KHK: variants seen among roughly 807,000 people sequenced by gnomAD.
KHK encodes the protein ketohexokinase, also known as fructokinase.
KHK carries 37 observed loss-of-function variants against 36.0 expected under a neutral mutation model. The ratio of observed to expected loss-of-function variants is 1.03; its 90% confidence interval spans 0.79 to 1.35. The LOEUF is 1.35. Ranked by LOEUF, KHK falls within the 40% of genes most tolerant of loss-of-function variation. The pLI, the probability that KHK is intolerant of heterozygous loss-of-function variation, is 0.00. For missense variants in KHK, 395 were observed against 391.9 expected, an observed-to-expected ratio of 1.01 and a Z score of -0.07; for synonymous variants, 161 against 162.8, an observed-to-expected ratio of 0.99 and a Z score of 0.08.
At chr2:27,094,456 C>T (rs374146345) in intron 2 of KHK, 80 of 1,612,236 alleles carry the variant, frequency 5.0e-5, no homozygotes, top group Admixed American at 1.0e-4. Context: ...GCACCCCCTT[C>T]GGGTTACTCC....
intron 2 of KHK, among the ~76,000 whole-genome samples, chr2:27,093,807 T>C (rs1009988289): frequency 6.6e-6 from 1 of 152,186 alleles, no homozygotes; most frequent in African/African-American, 2.4e-5. Flanking sequence ...ATGGAGGGCA[T>C]TCCAGGAGAG....
chr2:27,087,556 C>T (rs1466953172), intron 1 of KHK, among the ~76,000 whole-genome samples: 2 of 152,214 alleles, frequency 1.3e-5, no homozygotes, highest in African/African-American at 4.8e-5. Context: ...TAAGAAGACC[C>T]AGGATTTAAT....
At chr2:27,093,432 G>A (rs891615659) in intron 2 of KHK, among the ~76,000 whole-genome samples, 2 of 152,156 alleles carry the variant, frequency 1.3e-5, no homozygotes, top group African/African-American at 4.8e-5. Context: ...CAGGCCAATG[G>A]GTGGTTTATT....
intron 6 of KHK, 45 bp from the exon 7 acceptor site, chr2:27,099,375 G>A: frequency 1.2e-6 from 2 of 1,612,256 alleles, no homozygotes; most frequent in South Asian, 1.1e-5. Context: ...GATGGCTGGG[G>A]GGACGGGGTG....
Position 27,097,464 on chromosome 2 carries a change from C to T in KHK, c.418-39C>T, listed in dbSNP as rs376888933. 4 of 1,611,278 alleles carry T rather than the reference C, an allele frequency of 2.5e-6. No individual in the cohort carries two copies. In the African/African-American group the frequency reaches 4.0e-5, roughly 16 times the overall value. ...GGAAGAATGAGGCAGATTGGCCAGG[C>T]AGTGCCCAGCGGTCCTGAGCTGCCC... On this transcript the variant is annotated intron_variant, in intron 4 of 7. Transcript: ENST00000260598.
chr2:27,092,565 C>T (rs369087755), intron 2 of KHK, 117 bp downstream of exon 2: 27 of 778,706 alleles, frequency 3.5e-5, no homozygotes, highest in East Asian at 5.3e-5. Context: ...CCAGCAGAAA[C>T]GCGGGGAGGG....
intron 3 of KHK, 131 bp downstream of exon 3, chr2:27,095,065 CA>C: frequency 9.6e-7 from 1 of 1,043,210 alleles, no homozygotes. Context: ...GCTCCCCTGC[CA>C]AAATGTCCAG....
In KHK at chr2:27,099,768, TCA is replaced by T. The variant is rs370253620; in HGVS notation, c.*24_*25del. On this transcript the variant is annotated 3_prime_UTR_variant, in exon 8 of 8. Coordinates refer to ENST00000260598, the MANE Select transcript of KHK (RefSeq NM_006488.3). ...TCGTGTGAGAGCAGGTGCCGGCTCCTCACACACCATGGAGACTACCATTGCGG... is the reference window on the plus strand; with the variant it reads ...TCGTGTGAGAGCAGGTGCCGGCTCCTCACACCATGGAGACTACCATTGCGG... 0.019 allele frequency: 30,586 copies of T among 1,612,704 alleles called. 409 individuals carry two copies. Among genetic ancestry groups the T allele is most frequent in the South Asian group, 0.042 (3,830 of 90,760 alleles).
chr2:27,097,683 C>G (rs781035197), intron 5 of KHK, 34 bp downstream of exon 5: 2 of 1,613,788 alleles, frequency 1.2e-6, no homozygotes, highest in Non-Finnish European at 1.7e-6. Context: ...TTTGCCACTT[C>G]CAGCTAATTT....
chr2:27,099,765 TC>T lies in KHK; in HGVS notation c.*17del. 1 of 1,612,964 alleles carries T rather than the reference TC, an allele frequency of 6.2e-7. No individual in the cohort carries two copies. Among genetic ancestry groups the T allele is most frequent in the South Asian group, 1.1e-5 (1 of 90,838 alleles). On this transcript the variant is annotated 3_prime_UTR_variant, in exon 8 of 8. Coordinates refer to ENST00000260598, the MANE Select transcript of KHK (RefSeq NM_006488.3). ...GCATCGTGTGAGAGCAGGTGCCGGC[TC>T]CTCACACACCATGGAGACTACCATT... is the stretch of plus-strand genomic sequence containing the variant.
rs746413451 is a variant in KHK at position 27,099,394 on chromosome 2, C to T, written c.654-26C>T. 5 of 1,612,468 alleles carry T rather than the reference C, an allele frequency of 3.1e-6. No individual in the cohort carries two copies. The African/African-American group carries it at 6.7e-5, about 22-fold the overall frequency. Reference sequence around the variant, plus strand: ...GCTGGGGGGACGGGGTGGGCTAACACCCAGCTGAGTGGAGCCGTCTTGCAG... The same window carrying T: ...GCTGGGGGGACGGGGTGGGCTAACATCCAGCTGAGTGGAGCCGTCTTGCAG... On this transcript the variant is annotated intron_variant, in intron 6 of 7. Coordinates refer to ENST00000260598, the MANE Select transcript of KHK (RefSeq NM_006488.3).
At position 27,087,230 on chromosome 2, in the gene KHK, G is replaced by C. The variant is rs1366715870; in HGVS notation, c.-30G>C. The C allele has an allele frequency of 6.4e-7, 1 of 1,551,836 alleles. No individual in the cohort carries two copies. The highest frequency in any genetic ancestry group is 1.2e-5 in the South Asian group (1 of 84,650). On this transcript the variant is annotated 5_prime_UTR_variant, in exon 1 of 8. Transcript: ENST00000260598. Reference sequence around the variant, plus strand: ...GAGGCCGGGAGGAACCCCGTCAGCCGGGCGGGCAGGAAGCTCTGGGAGTAG... The same window carrying C: ...GAGGCCGGGAGGAACCCCGTCAGCCCGGCGGGCAGGAAGCTCTGGGAGTAG...
rs1482244034 is a variant in KHK, at chr2:27,100,070, G to C, written c.*320G>C. 2 of 611,436 alleles carry C rather than the reference G, an allele frequency of 3.3e-6. No homozygotes were observed. Among genetic ancestry groups the C allele is most frequent in the South Asian group, 2.0e-5 (1 of 51,192 alleles). The allele number at this position is 611,436 out of a possible 1,614,324, so 37.9% of individuals were successfully genotyped here. On this transcript the variant is annotated 3_prime_UTR_variant, in exon 8 of 8. Transcript: ENST00000260598. ...GTCCATTCCCCAAATTAACCTCTCCGCCCAGGCCCAGAGGAGGGGCTGCCT... is the reference window on the plus strand; with the variant it reads ...GTCCATTCCCCAAATTAACCTCTCCCCCCAGGCCCAGAGGAGGGGCTGCCT...
Position 27,099,901 on chromosome 2 carries a change from A to T in KHK, c.*151A>T. ...TCTGCCTGTGTCCTGTGTTCCCCAC[A>T]GGGAGAGGCTCTGGGGGGATGGCTG... On this transcript the variant is annotated 3_prime_UTR_variant, in exon 8 of 8. Transcript: ENST00000260598. 2.0e-6 allele frequency: 3 copies of T among 1,527,964 alleles called. No individual in the cohort carries two copies. Among genetic ancestry groups the T allele is most frequent in the Non-Finnish European group, 2.7e-6 (3 of 1,127,486 alleles). The allele number at this position is 1,527,964 out of a possible 1,614,324, so 94.7% of individuals were successfully genotyped here.
At position 27,100,612 on chromosome 2, in the gene KHK, T is replaced by A; in HGVS notation, c.*862T>A. The stretch of plus-strand genomic sequence containing the variant: ...ACAGACCTGGATTAAAATCTGCCAT[T>A]TAATTAGCTGCATATCACCTTAGGG... On this transcript the variant is annotated 3_prime_UTR_variant, in exon 8 of 8. Coordinates refer to ENST00000260598, the MANE Select transcript of KHK (RefSeq NM_006488.3). The A allele has an allele frequency of 8.3e-7, 1 of 1,211,662 alleles. No individual in the cohort carries two copies. The highest frequency in any genetic ancestry group is 1.6e-5 in the African/African-American group (1 of 64,268). The allele number at this position is 1,211,662 out of a possible 1,614,324, so 75.1% of individuals were successfully genotyped here.
chr2:27,099,630 C>T (rs940048853), intron 7 of KHK, 35 bp from the exon 8 acceptor site: 12 of 1,614,164 alleles, frequency 7.4e-6, no homozygotes, highest in Non-Finnish European at 9.3e-6. Flanking sequence ...CTGCCCCAAA[C>T]ACCTGGCTGA....
rs1278528901 is a variant in KHK at position 27,100,378 on chromosome 2, C to T, written c.*628C>T. ...GTCCAGAAATACCTCCTCCCGCTGACTGCCCCAGAGCCTGAAAGTCTCACC... is the reference window on the plus strand; with the variant it reads ...GTCCAGAAATACCTCCTCCCGCTGATTGCCCCAGAGCCTGAAAGTCTCACC... On this transcript the variant is annotated 3_prime_UTR_variant, in exon 8 of 8. Transcript: ENST00000260598. 3.2e-6 allele frequency: 4 copies of T among 1,239,278 alleles called. No individual in the cohort carries two copies. The African/African-American group carries it at 4.6e-5, about 14-fold the overall frequency. The allele number at this position is 1,239,278 out of a possible 1,614,324, so 76.8% of individuals were successfully genotyped here. A position where few individuals can be genotyped will look rare whatever the true frequency, so the allele number is the denominator to read the frequency against.
At chr2:27,096,293 C>G (rs750308904) in intron 3 of KHK, among the ~76,000 whole-genome samples, 91 of 152,246 alleles carry the variant, frequency 6.0e-4, no homozygotes, top group Middle Eastern at 3.4e-3. Flanking sequence ...ATAGGTAAAC[C>G]CCAACGCTGG....
intron 5 of KHK, among the ~76,000 whole-genome samples, chr2:27,098,512 G>A (rs1670549181): frequency 6.6e-6 from 1 of 151,814 alleles, no homozygotes; most frequent in South Asian, 2.1e-4. Context: ...ATGGTGGTGT[G>A]CACCCATAGT....
Sources: gnomAD v4.1 joint callset for allele counts (sites outside exome capture counted in the v4.1 genomes callset) on GRCh38, gnomAD v4.1.1 for gene constraint, MANE v1.5 for transcripts, NCBI Gene and HGNC (gene_info 2026-07-23, HGNC 2026-07-21) for gene names.